Variants in NUSAP1 observed in about 807,000 individuals in gnomAD.
The protein encoded by NUSAP1 is nucleolar and spindle-associated protein 1.
A neutral mutation model predicts 52.8 loss-of-function variants in NUSAP1; 32 were observed. The observed-to-expected ratio is 0.61, with a 90% CI of 0.46 to 0.81. The LOEUF (loss-of-function observed/expected upper bound fraction) is 0.81, where lower values mean the gene tolerates loss of function less well. NUSAP1 is among the 40% of genes least tolerant of loss of function. NUSAP1 has a pLI of 0.00. For missense variants in NUSAP1, 499 were observed against 522.3 expected (o/e 0.96, Z 0.43); for synonymous variants, 195 against 183.1 (o/e 1.06, Z -0.52).
In NUSAP1 at chr15:41,365,597, A is replaced by T. The variant is rs1260821490; in HGVS notation, c.848+8A>T. 1.9e-6 allele frequency: 3 copies of T among 1,582,568 alleles called. No homozygotes were observed. The highest frequency in any genetic ancestry group is 2.3e-5 in the South Asian group (2 of 87,848). ...AGCTAAAACGGGTGTCAGGTAAAGA[A>T]ATCACTCCAAAATGTAATCATGAAC... is the stretch of plus-strand genomic sequence containing the variant. On this transcript the variant is annotated splice_region_variant and intron_variant, in intron 7 of 10. Transcript: ENST00000559596.
At chr15:41,379,654 C>T (rs1052970875) in intron 10 of NUSAP1, among the ~76,000 whole-genome samples, 1 of 152,088 alleles carries the variant, frequency 6.6e-6, no homozygotes, top group Non-Finnish European at 1.5e-5. Context: ...AAGGGATTCT[C>T]CTGCCTCAGC....
chr15:41,373,098 A>C (rs1219436987), intron 8 of NUSAP1, among the ~76,000 whole-genome samples: 1 of 151,972 alleles, frequency 6.6e-6, no homozygotes, highest in African/African-American at 2.4e-5. Flanking sequence ...CTCAAAAAAA[A>C]AAAGAGATTG....
At chr15:41,365,296 A>G (rs2049349042) in intron 6 of NUSAP1, 106 bp from the exon 7 acceptor site, 2 of 884,754 alleles carry the variant, frequency 2.3e-6, no homozygotes, top group Non-Finnish European at 3.3e-6. Context: ...AGCTGGGACT[A>G]TAGGCACATG....
At chr15:41,339,771 AT>A (rs952155798) in intron 1 of NUSAP1, among the ~76,000 whole-genome samples, 3 of 150,506 alleles carry the variant, frequency 2.0e-5, no homozygotes, top group East Asian at 2.0e-4. Flanking sequence ...GAAGAAATTA[AT>A]TTTTTTTCTA....
Position 41,342,418 on chromosome 15 carries a change from C to T in NUSAP1, c.126C>T (p.Tyr42=). 1.9e-6 allele frequency: 3 copies of T among 1,595,626 alleles called. No homozygotes were observed. The highest frequency in any genetic ancestry group is 1.3e-5 in the African/African-American group (1 of 74,600). Residue 42 remains tyrosine, a synonymous_variant, in exon 2 of 11, where the codon TAC becomes TAT. Transcript: ENST00000559596. ...AGTTGTTAAAAGCCTTGAAAGGCTA[C>T]ATTAAACATGAGGCAAGAAAAGGAA... The part of the protein sequence containing the change: ...ATKLLKALKG[Y]IKHEARKGNE...
intron 2 of NUSAP1, among the ~76,000 whole-genome samples, chr15:41,344,629 C>G (rs947164695): frequency 6.0e-5 from 9 of 149,714 alleles, no homozygotes; most frequent in African/African-American, 2.0e-4. Context: ...CAAAGCGAGA[C>G]TCCGTCTCAA....
chr15:41,343,171 G>C (rs1404534578), intron 2 of NUSAP1: 1 of 152,220 alleles, frequency 6.6e-6, no homozygotes, highest in African/African-American at 2.4e-5. Flanking sequence ...CTGTTCTGCT[G>C]AACTGAGTGT....
At chr15:41,343,844 T>G (rs1189315129) in intron 2 of NUSAP1, among the ~76,000 whole-genome samples, 1 of 152,160 alleles carries the variant, frequency 6.6e-6, no homozygotes, top group East Asian at 1.9e-4. Context: ...ACAAGAACTA[T>G]TTTTGAATTC....
intron 4 of NUSAP1, among the ~76,000 whole-genome samples, chr15:41,355,797 C>T (rs371697007): frequency 2.0e-5 from 3 of 152,116 alleles, no homozygotes; most frequent in East Asian, 3.9e-4. Flanking sequence ...CTGCCTCAAC[C>T]TCCCGAGTAG....
chr15:41,347,547 G>T (rs1215295648), intron 2 of NUSAP1, among the ~76,000 whole-genome samples: 1 of 152,066 alleles, frequency 6.6e-6, no homozygotes, highest in East Asian at 1.9e-4. Flanking sequence ...CGGGTGCGGT[G>T]GCTCACTCCT....
chr15:41,375,174 ATTTT>A (rs56152606), intron 8 of NUSAP1, among the ~76,000 whole-genome samples: 6 of 127,814 alleles, frequency 4.7e-5, no homozygotes, highest in Non-Finnish European at 3.3e-5. Context: ...CGCCCAGCTA[ATTTT>A]TTTTTTTTTT....
Position 41,365,571 on chromosome 15 carries a change from C to T in NUSAP1, c.830C>T (p.Ala277Val), listed in dbSNP as rs970807314. Residue 277 changes from alanine (A) to valine (V), a missense_variant, in exon 7 of 11, where the codon GCA becomes GTA. Physicochemically the swap from Ala to Val is moderately conservative, Grantham distance 64 (BLOSUM62 0). Coordinates refer to ENST00000559596, the MANE Select transcript of NUSAP1 (RefSeq NM_016359.5). The part of the protein sequence containing the change: ...KGSLKRSAIS[A>V]AKTGVRFSAA... The stretch of plus-strand genomic sequence containing the variant: ...TCACTCAAGCGCTCTGCTATCTCTG[C>T]AGCTAAAACGGGTGTCAGGTAAAGA... 3.1e-6 allele frequency: 5 copies of T among 1,600,842 alleles called. No homozygotes were observed. Among genetic ancestry groups the T allele is most frequent in the Non-Finnish European group, 4.3e-6 (5 of 1,170,780 alleles).
At position 41,332,892 on chromosome 15, in the gene NUSAP1, G is replaced by A. The variant is rs1237925165; in HGVS notation, c.-66G>A. 7 of 1,281,112 alleles carry A rather than the reference G, an allele frequency of 5.5e-6. No individual in the cohort carries two copies. Among genetic ancestry groups the A allele is most frequent in the Non-Finnish European group, 7.8e-6 (7 of 897,930 alleles). 79.4% of individuals were successfully genotyped at this position (1,281,112 alleles called of 1,614,324 possible). A position where few individuals can be genotyped will look rare whatever the true frequency, so the allele number is the denominator to read the frequency against. On this transcript the variant is annotated 5_prime_UTR_variant, in exon 1 of 11. Transcript: ENST00000559596. ...AGTCAAAGTTAAGAGTGGCGCCAGG[G>A]ATTTGAACCGCGCTGACGAAGTTTG...
Position 41,337,513 on chromosome 15 carries a change from A to T in NUSAP1, c.93+4463A>T, listed in dbSNP as rs538768058. ...TAGCTTATTTGCCATAAGGCATGCA[A>T]TCATGTTTTACTATCACCCATCTTT... On this transcript the variant is annotated intron_variant, in intron 1 of 10. Transcript: ENST00000559596. Among the ~76,000 whole-genome samples the T allele has an allele frequency of 2.0e-4, 31 of 152,268 alleles. 1 individual carries two copies. In the South Asian group the frequency reaches 6.0e-3, roughly 30 times the overall value.
intron 2 of NUSAP1, among the ~76,000 whole-genome samples, chr15:41,345,208 C>T (rs1361392021): frequency 2.6e-5 from 4 of 151,682 alleles, no homozygotes; most frequent in South Asian, 4.2e-4. Flanking sequence ...CAATATTGCC[C>T]GGGCTGGTCT....
Position 41,371,634 on chromosome 15 carries a change from C to CTG in NUSAP1, c.959_960dup (p.Leu321CysfsTer7). ...TCTGGGGGCACCCCAAAAGGCGAGG[C>CTG]TGTGCTTGGGACACACAAATTAAAG... On this transcript the variant is annotated frameshift_variant, in exon 8 of 11. Transcript: ENST00000559596. LOFTEE classifies it high-confidence loss of function. The CTG allele has an allele frequency of 6.2e-7, 1 of 1,609,156 alleles. No homozygotes were observed. Among genetic ancestry groups the CTG allele is most frequent in the South Asian group, 1.1e-5 (1 of 90,538 alleles).
intron 7 of NUSAP1, among the ~76,000 whole-genome samples, chr15:41,370,732 C>T (rs1045411218): frequency 2.2e-5 from 3 of 135,994 alleles, no homozygotes; most frequent in East Asian, 2.1e-4. Context: ...CCTGGGCGAC[C>T]GAGCAAAACT....
intron 3 of NUSAP1, 68 bp from the exon 4 acceptor site, chr15:41,350,920 A>T (rs2048753810): frequency 2.9e-6 from 4 of 1,374,798 alleles, no homozygotes; most frequent in Non-Finnish European, 4.0e-6. Context: ...TCACTTTGGT[A>T]CTTATCTTTG....
chr15:41,341,193 G>T lies in NUSAP1; in HGVS notation c.94-1193G>T, dbSNP rs148815794. Among the ~76,000 whole-genome samples the T allele has an allele frequency of 3.8e-3, 580 of 152,224 alleles. 5 individuals are homozygous for T. Among genetic ancestry groups the T allele is most frequent in the African/African-American group, 0.013 (539 of 41,550 alleles). On this transcript the variant is annotated intron_variant, in intron 1 of 10. Transcript: ENST00000559596. The stretch of plus-strand genomic sequence containing the variant: ...CAATTCTTCTGCCTCAGCCTCCCAA[G>T]TAGCTGGGACTACAGGCACACACCA...
Sources: gnomAD v4.1 joint callset for allele counts (sites outside exome capture counted in the v4.1 genomes callset) on GRCh38, gnomAD v4.1.1 for gene constraint, MANE v1.5 for transcripts, NCBI Gene and HGNC (gene_info 2026-07-23, HGNC 2026-07-21) for gene names.